Variants in CCDC148 observed in about 807,000 individuals in gnomAD.
CCDC148 encodes coiled-coil domain containing 148, also known as coiled-coil domain-containing protein 148.
Under a neutral mutation model 85.7 loss-of-function variants are expected in CCDC148, and 89 were observed. The observed-to-expected ratio is 1.04, with a 90% CI of 0.87 to 1.24. CCDC148 has a LOEUF of 1.24. Among genes scored for constraint, CCDC148 ranks in the 50% most tolerant of loss-of-function variants. The probability of loss-of-function intolerance (pLI) is 0.00; values close to 1 mark genes in which losing one functional copy is unlikely to be tolerated. For synonymous variants in CCDC148, 230 were observed against 213.9 expected (o/e 1.08, Z -0.66); for missense variants, 692 against 671.7 (o/e 1.03, Z -0.33).
At chr2:158,280,785 C>T (rs1690246353) in intron 9 of CCDC148, among the ~76,000 whole-genome samples, 2 of 152,206 alleles carry the variant, frequency 1.3e-5, no homozygotes, top group Admixed American at 6.5e-5. Context: ...ACCTAATACA[C>T]ATCTACAGAA....
chr2:158,218,296 A>G (rs894282710), intron 11 of CCDC148, among the ~76,000 whole-genome samples: 2 of 152,206 alleles, frequency 1.3e-5, no homozygotes, highest in East Asian at 1.9e-4. Context: ...GAGCCTGTAG[A>G]GGTGAAATGA....
intron 11 of CCDC148, among the ~76,000 whole-genome samples, chr2:158,182,365 C>T (rs902583129): frequency 2.0e-5 from 3 of 152,000 alleles, no homozygotes; most frequent in East Asian, 1.9e-4. Flanking sequence ...GATAAGTGGT[C>T]CTAAGATGTT....
At chr2:158,407,635 A>T (rs1039065232) in intron 1 of CCDC148, among the ~76,000 whole-genome samples, 1 of 152,206 alleles carries the variant, frequency 6.6e-6, no homozygotes, top group Non-Finnish European at 1.5e-5. Flanking sequence ...CAAGAAAAAA[A>T]GTTAAGGGCA....
chr2:158,434,335 C>T lies in CCDC148; in HGVS notation c.25+22080G>A, dbSNP rs563126326. ...GCAATATATGCTGTTCTGCAGCCTC[C>T]ACTGGTGATACCCAAGCAAACAGGG... On this transcript the variant is annotated intron_variant, in intron 1 of 13. Transcript: ENST00000283233. 3.3e-5 allele frequency among the ~76,000 whole-genome samples: 5 copies of T among 152,280 alleles called. No individual in the cohort carries two copies. In the East Asian group the frequency reaches 9.6e-4, roughly 29 times the overall value.
chr2:158,422,796 C>T (rs546336160), intron 1 of CCDC148, among the ~76,000 whole-genome samples: 1 of 151,904 alleles, frequency 6.6e-6, no homozygotes, highest in African/African-American at 2.4e-5. Flanking sequence ...TTCAAATTGT[C>T]CCTGTTTGCA....
chr2:158,309,357 G>A, intron 9 of CCDC148, 76 bp downstream of exon 9: 2 of 1,239,254 alleles, frequency 1.6e-6, no homozygotes, highest in Non-Finnish European at 2.3e-6. Context: ...TGAACTTTAG[G>A]TTGAGTTTGA....
rs1254249649 is a variant in CCDC148, at chr2:158,248,125, C to A, written c.1251+2647G>T. ...TTTAAAACACTGCAGAATGACATAG[C>A]ATGATAGTGTTCATGAAAAAATTAA... On this transcript the variant is annotated intron_variant, in intron 10 of 13. Coordinates refer to ENST00000283233, the MANE Select transcript of CCDC148 (RefSeq NM_138803.4). Among the ~76,000 whole-genome samples the A allele has an allele frequency of 2.6e-5, 4 of 151,832 alleles. No homozygotes were observed. The South Asian group carries it at 6.2e-4, about 24-fold the overall frequency.
At chr2:158,203,321 C>A (rs1686066210) in intron 11 of CCDC148, among the ~76,000 whole-genome samples, 2 of 152,124 alleles carry the variant, frequency 1.3e-5, no homozygotes, top group Admixed American at 1.3e-4. Context: ...GATACTGATA[C>A]AAATAACTTC....
At chr2:158,440,472 T>C (rs1687884415) in intron 1 of CCDC148, among the ~76,000 whole-genome samples, 1 of 151,956 alleles carries the variant, frequency 6.6e-6, no homozygotes, top group Admixed American at 6.6e-5. Context: ...TGCACAATAG[T>C]CCCCCGTTAT....
chr2:158,204,959 G>A, intron 11 of CCDC148, among the ~76,000 whole-genome samples: 1 of 152,136 alleles, frequency 6.6e-6, no homozygotes, highest in East Asian at 1.9e-4. Context: ...GAGTAGGAGG[G>A]GCAGGACTCC....
chr2:158,441,293 G>A (rs1053868517), intron 1 of CCDC148, among the ~76,000 whole-genome samples: 1 of 151,972 alleles, frequency 6.6e-6, no homozygotes, highest in African/African-American at 2.4e-5. Flanking sequence ...TTTATTTCTA[G>A]GGCTGCCAAT....
At chr2:158,233,943 C>G (rs142033443) in intron 10 of CCDC148, among the ~76,000 whole-genome samples, 18 of 152,018 alleles carry the variant, frequency 1.2e-4, no homozygotes, top group Admixed American at 1.0e-3. Flanking sequence ...TTTGGGAGGC[C>G]GAGGTGGGTG....
At chr2:158,370,087 T>C (rs1684374929) in intron 1 of CCDC148, among the ~76,000 whole-genome samples, 8 of 152,110 alleles carry the variant, frequency 5.3e-5, no homozygotes, top group Admixed American at 5.2e-4. Context: ...TGAGGATTTT[T>C]ACATCAATAT....
chr2:158,259,118 C>T (rs2105149896), intron 9 of CCDC148, among the ~76,000 whole-genome samples: 2 of 151,930 alleles, frequency 1.3e-5, no homozygotes, highest in Middle Eastern at 6.8e-3. Flanking sequence ...TTTCCCCCTC[C>T]CTGCCCCACA....
At chr2:158,300,706 G>A (rs1016142873) in intron 9 of CCDC148, among the ~76,000 whole-genome samples, 2 of 152,212 alleles carry the variant, frequency 1.3e-5, no homozygotes, top group Non-Finnish European at 2.9e-5. Context: ...TTTCTAAATT[G>A]TAATGTGTAA....
At chr2:158,440,133 T>G (rs1311386777) in intron 1 of CCDC148, among the ~76,000 whole-genome samples, 4 of 152,066 alleles carry the variant, frequency 2.6e-5, no homozygotes, top group African/African-American at 7.2e-5. Flanking sequence ...CCTCCAAAGG[T>G]GCTGAGATTA....
intron 1 of CCDC148, among the ~76,000 whole-genome samples, chr2:158,448,067 G>C (rs574222480): frequency 2.0e-5 from 3 of 152,088 alleles, no homozygotes; most frequent in Admixed American, 1.3e-4. Flanking sequence ...TGTTTGGTAA[G>C]AATTTAAGTT....
intron 1 of CCDC148, among the ~76,000 whole-genome samples, chr2:158,360,658 C>T (rs1028465414): frequency 6.6e-6 from 1 of 152,110 alleles, no homozygotes; most frequent in Non-Finnish European, 1.5e-5. Flanking sequence ...CACTCGGAAA[C>T]CCCAGCCGAA....
intron 2 of CCDC148, among the ~76,000 whole-genome samples, chr2:158,354,897 A>G (rs1683541500): frequency 1.3e-5 from 2 of 151,928 alleles, no homozygotes; most frequent in South Asian, 4.2e-4. Context: ...AGTGGGCATC[A>G]TCCCTGGGAT....
Sources: gnomAD v4.1 joint callset for allele counts (sites outside exome capture counted in the v4.1 genomes callset) on GRCh38, gnomAD v4.1.1 for gene constraint, MANE v1.5 for transcripts, NCBI Gene and HGNC (gene_info 2026-07-23, HGNC 2026-07-21) for gene names.